The following HNF4G variants were observed in gnomAD, a reference collection of about 807,000 sequenced individuals.
HNF4G encodes hepatocyte nuclear factor 4 gamma.
A neutral mutation model predicts 50.9 loss-of-function variants in HNF4G; 21 were observed. That is an observed-to-expected ratio of 0.41 (90% CI 0.29 to 0.59). HNF4G has a LOEUF of 0.59. HNF4G is among the 20% of genes least tolerant of loss of function. HNF4G has a pLI of 0.26. For synonymous variants in HNF4G, 198 were observed against 185.6 expected (o/e 1.07, Z -0.54); for missense variants, 527 against 559.4 (o/e 0.94, Z 0.58).
chr8:75,494,763 G>A (rs1053689242), intron 2 of HNF4G, among the ~76,000 whole-genome samples: 1 of 151,830 alleles, frequency 6.6e-6, no homozygotes, highest in African/African-American at 2.4e-5. Context: ...AATAGCATAT[G>A]TAGAAATAAA....
chr8:75,538,028 G>A (rs550266825), upstream of HNF4G, among the ~76,000 whole-genome samples: 1 of 152,262 alleles, frequency 6.6e-6, no homozygotes, highest in Non-Finnish European at 1.5e-5. Context: ...GCTAGGCTGA[G>A]GCTGACTGAA....
At chr8:75,552,770 G>C (rs897617107) in intron 4 of HNF4G, among the ~76,000 whole-genome samples, 2 of 152,094 alleles carry the variant, frequency 1.3e-5, no homozygotes, top group African/African-American at 4.8e-5. Context: ...TTAGTGTACA[G>C]ATTTGACCAC....
rs142094569 is a variant in HNF4G, at chr8:75,441,830, T to G, written c.-144+33668T>G. Among the ~76,000 whole-genome samples, 77 of 152,332 alleles carry G rather than the reference T, an allele frequency of 5.1e-4. 1 individual carries two copies. Among genetic ancestry groups the G allele is most frequent in the African/African-American group, 1.8e-3 (73 of 41,570 alleles). On this transcript the variant is annotated intron_variant, in intron 1 of 10. Coordinates refer to the HNF4G transcript ENST00000354370. ...TTGGGTCCACAGACCACACATTGAT[T>G]TTTGCACCTGGAAACATACACTAGA... is the stretch of plus-strand genomic sequence containing the variant.
chr8:75,440,082 A>C, intron 1 of HNF4G, among the ~76,000 whole-genome samples: 1 of 152,156 alleles, frequency 6.6e-6, no homozygotes, highest in East Asian at 1.9e-4. Context: ...ACTCCCAACT[A>C]TTATGTCAAT....
chr8:75,553,962 T>G (rs1473422480), intron 5 of HNF4G, among the ~76,000 whole-genome samples: 1 of 152,118 alleles, frequency 6.6e-6, no homozygotes, highest in East Asian at 1.9e-4. Context: ...TCTTACTAAG[T>G]AGGGTATAAT....
chr8:75,564,350 T>C lies in HNF4G; in HGVS notation c.*254T>C, dbSNP rs1405156992. On this transcript the variant is annotated 3_prime_UTR_variant, in exon 10 of 10. Coordinates refer to ENST00000396423, the MANE Select transcript of HNF4G (RefSeq NM_004133.5). ...GTATTTTTTCCAACTGCCCCTGCAT[T>C]GTGCCTGAACCAATTGAATCTTATG... 2.7e-6 allele frequency: 1 copy of C among 367,582 alleles called. No individual in the cohort carries two copies. Among genetic ancestry groups the C allele is most frequent in the African/African-American group, 2.1e-5 (1 of 47,994 alleles). The allele number at this position is 367,582 out of a possible 1,614,324, so 22.8% of individuals were successfully genotyped here. A position where few individuals can be genotyped will look rare whatever the true frequency, so the allele number is the denominator to read the frequency against.
rs1421318509 is a variant in HNF4G at position 75,456,069 on chromosome 8, C to T, written c.-143-34020C>T. On this transcript the variant is annotated intron_variant, in intron 1 of 10. Transcript: ENST00000354370. ...GAGATCTGTAAAGAACACTTCTTAT[C>T]TGAGTATAGCTGGGGACGTCTTTGT... is the stretch of plus-strand genomic sequence containing the variant. Among the ~76,000 whole-genome samples, 7 of 152,066 alleles carry T rather than the reference C, an allele frequency of 4.6e-5. No individual in the cohort carries two copies. The East Asian group carries it at 1.3e-3, about 29-fold the overall frequency.
chr8:75,518,930 T>A (rs891563928), intron 2 of HNF4G, among the ~76,000 whole-genome samples: 10 of 152,182 alleles, frequency 6.6e-5, no homozygotes, highest in African/African-American at 2.4e-4. Flanking sequence ...CTGTTGCATC[T>A]TCGTACTGAA....
At chr8:75,432,435 G>T (rs1476482562) in intron 1 of HNF4G, among the ~76,000 whole-genome samples, 1 of 152,000 alleles carries the variant, frequency 6.6e-6, no homozygotes, top group Non-Finnish European at 1.5e-5. Context: ...TTGTGCCTCA[G>T]CCTCCCAAGT....
At chr8:75,447,699 T>C (rs1229770182) in intron 1 of HNF4G, among the ~76,000 whole-genome samples, 3 of 151,702 alleles carry the variant, frequency 2.0e-5, no homozygotes, top group Non-Finnish European at 2.9e-5. Context: ...TCATCACTGG[T>C]CATCAGAGAA....
At chr8:75,483,609 A>C (rs1466704797) in intron 1 of HNF4G, among the ~76,000 whole-genome samples, 1 of 152,114 alleles carries the variant, frequency 6.6e-6, no homozygotes, top group Non-Finnish European at 1.5e-5. Flanking sequence ...TTCCTCCCTA[A>C]AACGTAAACA....
At chr8:75,562,755 T>C (rs974482803) in intron 9 of HNF4G, among the ~76,000 whole-genome samples, 1 of 152,168 alleles carries the variant, frequency 6.6e-6, no homozygotes, top group African/African-American at 2.4e-5. Context: ...ATTTGTGGGA[T>C]TTGTTTGCAA....
intron 1 of HNF4G, among the ~76,000 whole-genome samples, chr8:75,425,834 C>T (rs1451448482): frequency 6.6e-6 from 1 of 151,972 alleles, no homozygotes; most frequent in Non-Finnish European, 1.5e-5. Context: ...TAGGCTATTA[C>T]AATAAAGCTG....
chr8:75,524,668 C>T (rs574209480), intron 2 of HNF4G, among the ~76,000 whole-genome samples: 1 of 152,020 alleles, frequency 6.6e-6, no homozygotes, highest in Non-Finnish European at 1.5e-5. Context: ...GGCAATATTG[C>T]AACACCCTAC....
Position 75,566,495 on chromosome 8 carries a change from C to T in HNF4G, c.*2399C>T, listed in dbSNP as rs910805161. 1 of 152,446 alleles carries T rather than the reference C, an allele frequency of 6.6e-6. No homozygotes were observed. The allele number at this position is 152,446 out of a possible 1,614,324, so 9.4% of individuals were successfully genotyped here. ...GTTAGTAATGATTCTGCTTCAATAA[C>T]TATGGTCAGGGAATTTATAATATTA... On this transcript the variant is annotated 3_prime_UTR_variant, in exon 10 of 10. Coordinates refer to ENST00000396423, the MANE Select transcript of HNF4G (RefSeq NM_004133.5).
chr8:75,434,248 C>T (rs1264771650), intron 1 of HNF4G, among the ~76,000 whole-genome samples: 2 of 151,922 alleles, frequency 1.3e-5, no homozygotes, highest in African/African-American at 4.8e-5. Context: ...ATGATCTGCC[C>T]GCCTTTGCCT....
chr8:75,476,629 T>C (rs1305196188), intron 1 of HNF4G, among the ~76,000 whole-genome samples: 1 of 152,252 alleles, frequency 6.6e-6, no homozygotes, highest in African/African-American at 2.4e-5. Flanking sequence ...TGTTTTGTTT[T>C]TACATGTACT....
At chr8:75,489,446 A>T (rs1367644507) in intron 1 of HNF4G, among the ~76,000 whole-genome samples, 1 of 152,210 alleles carries the variant, frequency 6.6e-6, no homozygotes, top group Non-Finnish European at 1.5e-5. Context: ...AAAAAACTGA[A>T]GTCACATAGC....
chr8:75,541,855 C>T (rs1161012588), intron 1 of HNF4G, among the ~76,000 whole-genome samples: 1 of 151,962 alleles, frequency 6.6e-6, no homozygotes, highest in African/African-American at 2.4e-5. Context: ...TGGGCATAAT[C>T]CTAAAAGCTG....
Sources: gnomAD v4.1 joint callset for allele counts (sites outside exome capture counted in the v4.1 genomes callset) on GRCh38, gnomAD v4.1.1 for gene constraint, MANE v1.5 for transcripts, NCBI Gene and HGNC (gene_info 2026-07-23, HGNC 2026-07-21) for gene names.